Variants in SPECC1 observed in about 807,000 individuals in gnomAD.
SPECC1 encodes the protein cytospin-B.
A neutral mutation model predicts 104.1 loss-of-function variants in SPECC1; 62 were observed. The observed-to-expected ratio is 0.60, with a 90% CI of 0.49 to 0.74. The LOEUF (loss-of-function observed/expected upper bound fraction) is 0.74. Among genes scored for constraint, SPECC1 ranks in the 30% least tolerant of loss-of-function variants. SPECC1 has a pLI of 0.00. For missense variants in SPECC1, 1,306 were observed against 1,310.5 expected (o/e 1.00, Z 0.05); for synonymous variants, 513 against 501.6 (o/e 1.02, Z -0.30).
intron 10 of SPECC1, among the ~76,000 whole-genome samples, chr17:20,254,345 G>A (rs1358527984): frequency 6.6e-6 from 1 of 152,096 alleles, no homozygotes; most frequent in Non-Finnish European, 1.5e-5. Context: ...CAGTACTGCT[G>A]CTCAGCCTGG....
intron 1 of SPECC1, among the ~76,000 whole-genome samples, chr17:20,019,943 G>A (rs1276286787): frequency 6.6e-6 from 1 of 152,162 alleles, no homozygotes; most frequent in Non-Finnish European, 1.5e-5. Context: ...ACAAGATTGG[G>A]AATTCCTTGA....
At chr17:20,215,820 C>T (rs2526482) in intron 4 of SPECC1, among the ~76,000 whole-genome samples, 64,912 of 152,020 alleles carry the variant, frequency 0.43, 14,469 homozygotes, top group East Asian at 0.8. Flanking sequence ...CTTTAGTCTA[C>T]AGTCTCTATT....
intron 12 of SPECC1, among the ~76,000 whole-genome samples, chr17:20,274,507 C>CTTTTTTTTTTTTTTTTTT (rs1162367833): frequency 3.0e-5 from 4 of 131,458 alleles, no homozygotes; most frequent in African/African-American, 5.6e-5. Flanking sequence ...TTTCTTTTTT[C>CTTTTTTTTTTTTTTTTTT]TTTTTTTTTT....
intron 3 of SPECC1, among the ~76,000 whole-genome samples, chr17:20,179,244 C>T (rs2034692984): frequency 6.6e-6 from 1 of 152,274 alleles, no homozygotes; most frequent in African/African-American, 2.4e-5. Context: ...TGCTGTGTTC[C>T]TGGGCGTAGA....
At chr17:20,113,780 A>G (rs567474319) in intron 3 of SPECC1, among the ~76,000 whole-genome samples, 63 of 152,214 alleles carry the variant, frequency 4.1e-4, no homozygotes, top group Non-Finnish European at 6.8e-4. Flanking sequence ...CACCAGACCA[A>G]GCAATTCTGT....
chr17:20,132,571 G>T, intron 3 of SPECC1, among the ~76,000 whole-genome samples: 1 of 149,146 alleles, frequency 6.7e-6, no homozygotes, highest in African/African-American at 2.5e-5. Context: ...TTTTTGGTGT[G>T]AAAGGGTGAG....
At chr17:20,182,226 A>G (rs545178776) in intron 3 of SPECC1, among the ~76,000 whole-genome samples, 95 of 147,634 alleles carry the variant, frequency 6.4e-4, no homozygotes, top group Non-Finnish European at 1.1e-3. Context: ...TGATTCTCTC[A>G]CCTCAGCCTC....
At chr17:20,102,779 C>T (rs981577282) in intron 2 of SPECC1, among the ~76,000 whole-genome samples, 1 of 152,118 alleles carries the variant, frequency 6.6e-6, no homozygotes, top group African/African-American at 2.4e-5. Flanking sequence ...ACACTCCCCT[C>T]CTCCCTCCTC....
intron 4 of SPECC1, among the ~76,000 whole-genome samples, chr17:20,226,024 T>A (rs1047191060): frequency 2.0e-5 from 3 of 152,048 alleles, no homozygotes; most frequent in Non-Finnish European, 2.9e-5. Flanking sequence ...AGGTCCCTAT[T>A]CCCATAGAGC....
intron 7 of SPECC1, chr17:20,237,961 C>T (rs560864998): frequency 3.5e-6 from 3 of 862,134 alleles, no homozygotes; most frequent in East Asian, 7.2e-5. Flanking sequence ...AGGCTGGTCT[C>T]GAACTCCTGA....
At chr17:20,300,454 CTGTGCTGGGTG>C (rs1050335938) in intron 13 of SPECC1, among the ~76,000 whole-genome samples, 4 of 152,272 alleles carry the variant, frequency 2.6e-5, no homozygotes, top group African/African-American at 9.6e-5. Context: ...CTTTCTAACA[CTGTGCTGGGTG>C]AAGCCCACAC....
intron 1 of SPECC1, among the ~76,000 whole-genome samples, chr17:20,058,842 T>C (rs1597628621): frequency 7.1e-6 from 1 of 141,042 alleles, no homozygotes; most frequent in East Asian, 2.0e-4. Context: ...TTTCTTTTTT[T>C]TTTTTTTTTT....
At chr17:20,173,410 G>A (rs538468381) in intron 3 of SPECC1, among the ~76,000 whole-genome samples, 21 of 152,336 alleles carry the variant, frequency 1.4e-4, no homozygotes, top group Non-Finnish European at 2.6e-4. Context: ...AAAGTGCCAT[G>A]TTTATTGTAT....
At chr17:20,159,935 C>T (rs2032982993) in intron 3 of SPECC1, among the ~76,000 whole-genome samples, 1 of 152,114 alleles carries the variant, frequency 6.6e-6, no homozygotes, top group Non-Finnish European at 1.5e-5. Context: ...TGTAGCAACC[C>T]AGAGGAAGGG....
At chr17:20,132,542 C>T (rs1597786085) in intron 3 of SPECC1, among the ~76,000 whole-genome samples, 1 of 145,362 alleles carries the variant, frequency 6.9e-6, no homozygotes. Flanking sequence ...TGTTTGTTTT[C>T]ATTTTTTTTT....
intron 7 of SPECC1, among the ~76,000 whole-genome samples, chr17:20,232,951 T>A (rs2038691624): frequency 6.6e-6 from 1 of 152,220 alleles, no homozygotes; most frequent in Non-Finnish European, 1.5e-5. Flanking sequence ...GGCTGATGTG[T>A]GACATTCCCT....
At chr17:20,249,673 A>T (rs1291156169) in intron 9 of SPECC1, among the ~76,000 whole-genome samples, 1 of 152,234 alleles carries the variant, frequency 6.6e-6, no homozygotes, top group Non-Finnish European at 1.5e-5. Flanking sequence ...AAAATACCTG[A>T]ATTAAAGACT....
chr17:20,030,444 C>G (rs916300025), intron 1 of SPECC1, among the ~76,000 whole-genome samples: 10 of 150,816 alleles, frequency 6.6e-5, no homozygotes, highest in African/African-American at 2.2e-4. Flanking sequence ...TTTTAAGTTC[C>G]CTGTTATATT....
At chr17:20,223,374 T>A (rs1259767458) in intron 4 of SPECC1, among the ~76,000 whole-genome samples, 3 of 152,152 alleles carry the variant, frequency 2.0e-5, no homozygotes, top group African/African-American at 7.2e-5. Context: ...GCTTTATTTT[T>A]AAAAAATTAT....
Sources: allele counts gnomAD v4.1 joint callset (sites outside exome capture counted in the v4.1 genomes callset), GRCh38; gene constraint gnomAD v4.1.1; transcripts MANE v1.5; gene names NCBI Gene and HGNC (gene_info 2026-07-23, HGNC 2026-07-21).